Variants in SORCS2 observed in about 807,000 individuals in gnomAD.
SORCS2 encodes VPS10 domain-containing receptor SorCS2.
SORCS2 carries 100 observed loss-of-function variants against 141.6 expected under a neutral mutation model. The observed-to-expected ratio is 0.71, with a 90% CI of 0.60 to 0.83. The LOEUF (loss-of-function observed/expected upper bound fraction) is 0.83. Among genes scored for constraint, SORCS2 ranks in the 40% least tolerant of loss-of-function variants. The probability of loss-of-function intolerance (pLI) is 0.00; values close to 1 mark genes in which losing one functional copy is unlikely to be tolerated. For synonymous variants in SORCS2, 789 were observed against 676.9 expected, an observed-to-expected ratio of 1.17 and a Z score of -2.57; for missense variants, 1,646 against 1,560.2, an observed-to-expected ratio of 1.05 and a Z score of -0.93.
rs1260326910 is a variant in SORCS2, at chr4:7,533,515, C to G, written c.648+1886C>G. 2.0e-5 allele frequency among the ~76,000 whole-genome samples: 3 copies of G among 152,186 alleles called. No individual in the cohort carries two copies. In the East Asian group the frequency reaches 5.8e-4, roughly 29 times the overall value. On this transcript the variant is annotated intron_variant, in intron 3 of 26. Coordinates refer to ENST00000507866, the MANE Select transcript of SORCS2 (RefSeq NM_020777.3). ...TCCTGGTGGCCTTCCAGCGGCTGCC[C>G]TTCTCCACTCCATGCAGGGGACACT... is the stretch of plus-strand genomic sequence containing the variant.
intron 3 of SORCS2, among the ~76,000 whole-genome samples, chr4:7,616,123 G>C (rs1487598536): frequency 6.6e-6 from 1 of 152,192 alleles, no homozygotes; most frequent in African/African-American, 2.4e-5. Context: ...AAGGGATGGA[G>C]CCTGGCAGGT....
chr4:7,210,344 C>CGAT (rs1234839791), intron 1 of SORCS2, among the ~76,000 whole-genome samples: 3 of 152,212 alleles, frequency 2.0e-5, no homozygotes, highest in Non-Finnish European at 4.4e-5. Flanking sequence ...TGCAATGCTG[C>CGAT]GATCTTGGCT....
chr4:7,480,657 G>T (rs1730574359), intron 2 of SORCS2, among the ~76,000 whole-genome samples: 1 of 152,250 alleles, frequency 6.6e-6, no homozygotes, highest in African/African-American at 2.4e-5. Context: ...GCCCCGGGTA[G>T]CCCAGAGCCG....
intron 1 of SORCS2, among the ~76,000 whole-genome samples, chr4:7,380,116 G>A (rs190367677): frequency 3.4e-5 from 5 of 148,624 alleles, no homozygotes; most frequent in East Asian, 2.0e-4. Context: ...CAGAAAGCCC[G>A]GAGATGGGTA....
intron 2 of SORCS2, among the ~76,000 whole-genome samples, chr4:7,454,430 G>C (rs1410717415): frequency 6.8e-6 from 1 of 146,328 alleles, no homozygotes; most frequent in African/African-American, 2.6e-5. Context: ...CAGGCTCCGT[G>C]TTGGAGTCAG....
chr4:7,359,033 T>C (rs1721426238), intron 1 of SORCS2, among the ~76,000 whole-genome samples: 1 of 152,186 alleles, frequency 6.6e-6, no homozygotes, highest in African/African-American at 2.4e-5. Context: ...CCAGGTGCAG[T>C]GGCTGTAATC....
chr4:7,524,226 A>T (rs984076734), intron 2 of SORCS2, among the ~76,000 whole-genome samples: 1 of 152,196 alleles, frequency 6.6e-6, no homozygotes, highest in African/African-American at 2.4e-5. Flanking sequence ...TAGGGTGGGC[A>T]CTATATCCAA....
intron 1 of SORCS2, among the ~76,000 whole-genome samples, chr4:7,248,142 G>A (rs1713244851): frequency 6.6e-6 from 1 of 152,222 alleles, no homozygotes; most frequent in East Asian, 1.9e-4. Flanking sequence ...CCGACTGTGT[G>A]TGGCCCCCCT....
intron 10 of SORCS2, among the ~76,000 whole-genome samples, chr4:7,684,123 C>T (rs1429772856): frequency 6.6e-6 from 1 of 152,166 alleles, no homozygotes; most frequent in Non-Finnish European, 1.5e-5. Flanking sequence ...AGCTCACCAC[C>T]ACCAGCATCC....
intron 1 of SORCS2, among the ~76,000 whole-genome samples, chr4:7,320,326 A>G (rs1718820015): frequency 6.6e-6 from 1 of 152,180 alleles, no homozygotes; most frequent in South Asian, 2.1e-4. Context: ...AGCATAGGTG[A>G]TTGTGTGCCT....
intron 1 of SORCS2, among the ~76,000 whole-genome samples, chr4:7,269,218 G>A (rs56098421): frequency 1.1e-3 from 161 of 152,330 alleles, no homozygotes; most frequent in Middle Eastern, 3.4e-3. Context: ...CAGGGTGCTG[G>A]TGGTGTCCCA....
intron 10 of SORCS2, among the ~76,000 whole-genome samples, chr4:7,688,710 T>TG (rs5855977): frequency 0.42 from 64,045 of 151,942 alleles, 13,799 homozygotes; most frequent in South Asian, 0.54. Context: ...TTCCCTGACT[T>TG]GGGGAAATTA....
At chr4:7,608,388 G>A (rs186365394) in intron 3 of SORCS2, among the ~76,000 whole-genome samples, 2 of 152,292 alleles carry the variant, frequency 1.3e-5, no homozygotes, top group Non-Finnish European at 2.9e-5. Flanking sequence ...GCTCATTACC[G>A]TGCCCTGGCT....
intron 1 of SORCS2, among the ~76,000 whole-genome samples, chr4:7,276,231 C>T (rs1230900735): frequency 6.6e-6 from 1 of 152,090 alleles, no homozygotes; most frequent in Non-Finnish European, 1.5e-5. Context: ...TGTGGATCAT[C>T]CTCAGGGTGC....
intron 1 of SORCS2, among the ~76,000 whole-genome samples, chr4:7,260,170 G>A (rs1714222909): frequency 6.6e-6 from 1 of 152,242 alleles, no homozygotes; most frequent in South Asian, 2.1e-4. Context: ...TTTCCCTGTG[G>A]GTGTCAGGGG....
intron 1 of SORCS2, among the ~76,000 whole-genome samples, chr4:7,382,372 A>G (rs189688438): frequency 6.6e-6 from 1 of 152,060 alleles, no homozygotes; most frequent in East Asian, 1.9e-4. Context: ...GTGAGTTCCC[A>G]AGTGACATCT....
At chr4:7,230,547 G>A (rs1297629499) in intron 1 of SORCS2, among the ~76,000 whole-genome samples, 2 of 144,550 alleles carry the variant, frequency 1.4e-5, no homozygotes, top group African/African-American at 2.6e-5. Flanking sequence ...TGTCTGGGCA[G>A]GAGTAGTGTC....
At chr4:7,630,854 A>G (rs926633252) in intron 3 of SORCS2, among the ~76,000 whole-genome samples, 20 of 152,240 alleles carry the variant, frequency 1.3e-4, no homozygotes, top group African/African-American at 4.8e-4. Flanking sequence ...TAGACTGGGC[A>G]ATTGGGTTTT....
At chr4:7,416,521 C>T (rs1725682591) in intron 2 of SORCS2, among the ~76,000 whole-genome samples, 1 of 150,810 alleles carries the variant, frequency 6.6e-6, no homozygotes, top group Non-Finnish European at 1.5e-5. Context: ...CTCCTCCATA[C>T]TGACACACTC....
Sources: gnomAD v4.1 joint callset for allele counts (sites outside exome capture counted in the v4.1 genomes callset) on GRCh38, gnomAD v4.1.1 for gene constraint, MANE v1.5 for transcripts, NCBI Gene and HGNC (gene_info 2026-07-23, HGNC 2026-07-21) for gene names.